SLIT3: variants seen among roughly 807,000 people sequenced by gnomAD.
SLIT3 encodes the protein slit guidance ligand 3, also known as slit homolog 3 protein.
A neutral mutation model predicts 184.0 loss-of-function variants in SLIT3; 68 were observed. The observed-to-expected ratio is 0.37, with a 90% CI of 0.30 to 0.45. The LOEUF (loss-of-function observed/expected upper bound fraction) is 0.45, where lower values mean the gene tolerates loss of function less well. Ranked by LOEUF, SLIT3 falls within the 20% of genes least tolerant of loss-of-function variation. SLIT3 has a pLI of 1.00. For synonymous variants in SLIT3, 831 were observed against 828.6 expected, an observed-to-expected ratio of 1.00 and a Z score of -0.05; for missense variants, 1,707 against 2,026.0, an observed-to-expected ratio of 0.84 and a Z score of 3.02.
chr5:168,736,865 G>C (rs6890385), intron 20 of SLIT3, among the ~76,000 whole-genome samples: 148,772 of 152,340 alleles, frequency 0.98, 72,664 homozygotes, highest in East Asian at 1. Flanking sequence ...TGAGTCTATA[G>C]TCTGCTGCTT....
chr5:169,122,790 C>T (rs1760931692), intron 4 of SLIT3, among the ~76,000 whole-genome samples: 1 of 152,150 alleles, frequency 6.6e-6, no homozygotes, highest in Non-Finnish European at 1.5e-5. Flanking sequence ...AATATTCTTG[C>T]TTCTCTCCCA....
At chr5:169,143,129 C>T (rs1484644601) in intron 4 of SLIT3, among the ~76,000 whole-genome samples, 1 of 152,198 alleles carries the variant, frequency 6.6e-6, no homozygotes. Context: ...TTAATACTAT[C>T]TTCAGCTGAA....
At chr5:168,735,913 A>G (rs1014269975) in intron 20 of SLIT3, among the ~76,000 whole-genome samples, 13 of 152,066 alleles carry the variant, frequency 8.5e-5, no homozygotes, top group Admixed American at 3.3e-4. Flanking sequence ...TTCAGCACAC[A>G]TCACCCTCTT....
chr5:168,897,230 C>A (rs766162340), intron 4 of SLIT3, among the ~76,000 whole-genome samples: 1 of 152,166 alleles, frequency 6.6e-6, no homozygotes, highest in Non-Finnish European at 1.5e-5. Flanking sequence ...AGTATGATGT[C>A]ACCTCTGCAA....
chr5:168,784,922 C>G (rs947605992), intron 12 of SLIT3, among the ~76,000 whole-genome samples: 2 of 150,422 alleles, frequency 1.3e-5, no homozygotes, highest in East Asian at 2.0e-4. Context: ...TGCAAACATA[C>G]ATCATGTGCT....
intron 4 of SLIT3, among the ~76,000 whole-genome samples, chr5:168,938,234 A>G (rs74478523): frequency 0.086 from 13,031 of 152,284 alleles, 1,271 homozygotes; most frequent in African/African-American, 0.24. Flanking sequence ...TACTAGGCAA[A>G]TAAGCATCCA....
intron 4 of SLIT3, among the ~76,000 whole-genome samples, chr5:169,161,768 T>C (rs1762487590): frequency 6.6e-6 from 1 of 151,712 alleles, no homozygotes; most frequent in South Asian, 2.1e-4. Flanking sequence ...ACAGGCCAGG[T>C]ACTGTCCACT....
chr5:169,161,190 C>A (rs980945589), intron 4 of SLIT3, among the ~76,000 whole-genome samples: 19 of 152,212 alleles, frequency 1.2e-4, no homozygotes, highest in Non-Finnish European at 2.2e-4. Context: ...GGCATCCCAG[C>A]GGTGCCCCAG....
In SLIT3 at chr5:169,118,793, C is replaced by A. The variant is rs1220513496; in HGVS notation, c.413+74686G>T. On this transcript the variant is annotated intron_variant, in intron 4 of 35. Coordinates refer to ENST00000519560, the MANE Select transcript of SLIT3 (RefSeq NM_003062.4). ...TTAAGAGTAGGGAACACTCTAGCCA[C>A]CTTTTCACCTGGAGTGGCACTGATG... 3.3e-5 allele frequency among the ~76,000 whole-genome samples: 5 copies of A among 152,216 alleles called. No homozygotes were observed. The East Asian group carries it at 9.6e-4, about 29-fold the overall frequency.
intron 10 of SLIT3, among the ~76,000 whole-genome samples, chr5:168,793,594 T>A (rs1756462248): frequency 6.6e-6 from 1 of 152,210 alleles, no homozygotes; most frequent in South Asian, 2.1e-4. Context: ...CTTATGAATT[T>A]TGAATGCACA....
intron 3 of SLIT3, among the ~76,000 whole-genome samples, chr5:169,215,510 G>A (rs1764406683): frequency 7.4e-6 from 1 of 135,076 alleles, no homozygotes; most frequent in South Asian, 2.3e-4. Context: ...AGGCTCCATG[G>A]TGTCTGTCAA....
chr5:168,760,988 T>A, intron 15 of SLIT3, 52 bp from the exon 16 acceptor site: 2 of 1,343,944 alleles, frequency 1.5e-6, no homozygotes, highest in Non-Finnish European at 2.1e-6. Context: ...AGGCCCCTCC[T>A]TCCACCCCCC....
At chr5:169,260,538 G>A (rs1471662065) in intron 1 of SLIT3, among the ~76,000 whole-genome samples, 1 of 152,158 alleles carries the variant, frequency 6.6e-6, no homozygotes, top group South Asian at 2.1e-4. Flanking sequence ...CTTGGTTCCA[G>A]GACACTTTTC....
chr5:169,061,599 T>C (rs1758176158), intron 4 of SLIT3, among the ~76,000 whole-genome samples: 1 of 152,210 alleles, frequency 6.6e-6, no homozygotes, highest in Non-Finnish European at 1.5e-5. Flanking sequence ...CTGACCTTAC[T>C]ACAAGGGCTC....
At chr5:168,875,628 C>A (rs1245213776) in intron 5 of SLIT3, among the ~76,000 whole-genome samples, 1 of 148,058 alleles carries the variant, frequency 6.8e-6, no homozygotes, top group East Asian at 2.0e-4. Flanking sequence ...GAGCAAAACT[C>A]CGCCTTAAAA....
intron 4 of SLIT3, among the ~76,000 whole-genome samples, chr5:168,903,539 C>T (rs1034849761): frequency 2.0e-5 from 3 of 152,194 alleles, no homozygotes; most frequent in Admixed American, 2.0e-4. Flanking sequence ...CCTGACTTGC[C>T]TGCTCTTTGT....
At chr5:168,822,999 T>C (rs1434562435) in intron 7 of SLIT3, among the ~76,000 whole-genome samples, 1 of 152,166 alleles carries the variant, frequency 6.6e-6, no homozygotes, top group Non-Finnish European at 1.5e-5. Context: ...CAGGAAGAAT[T>C]CCCACAGTTC....
chr5:169,226,695 G>A (rs886371794), intron 3 of SLIT3, among the ~76,000 whole-genome samples: 1 of 152,084 alleles, frequency 6.6e-6, no homozygotes, highest in East Asian at 1.9e-4. Flanking sequence ...TGAGGTTAAG[G>A]CCAGAATCAA....
At chr5:169,103,017 T>A (rs1241616929) in intron 4 of SLIT3, among the ~76,000 whole-genome samples, 1 of 152,246 alleles carries the variant, frequency 6.6e-6, no homozygotes, top group East Asian at 1.9e-4. Context: ...AAAGTTATAA[T>A]ACTAATAAAT....
Sources: gnomAD v4.1 joint callset for allele counts (sites outside exome capture counted in the v4.1 genomes callset) on GRCh38, gnomAD v4.1.1 for gene constraint, MANE v1.5 for transcripts, NCBI Gene and HGNC (gene_info 2026-07-23, HGNC 2026-07-21) for gene names.